TRABD2B: variants seen among roughly 807,000 people sequenced by gnomAD.
TRABD2B encodes the protein TraB domain containing 2B.
TRABD2B carries 14 observed loss-of-function variants against 40.1 expected under a neutral mutation model. The ratio of observed to expected loss-of-function variants is 0.35; its 90% CI spans 0.23 to 0.55. TRABD2B has a LOEUF of 0.55. Among genes scored for constraint, TRABD2B ranks in the 20% least tolerant of loss-of-function variants. The pLI is 0.90. For synonymous variants in TRABD2B, 263 were observed against 277.0 expected, an observed-to-expected ratio of 0.95 and a Z score of 0.50; for missense variants, 541 against 648.6, an observed-to-expected ratio of 0.83 and a Z score of 1.80.
intron 2 of TRABD2B, among the ~76,000 whole-genome samples, chr1:47,947,501 C>T (rs1407379264): frequency 6.6e-6 from 1 of 152,056 alleles, no homozygotes; most frequent in African/African-American, 2.4e-5. Context: ...GAGGCATAAA[C>T]AGAGAGGCTG....
chr1:47,780,688 G>A (rs1290270204), intron 4 of TRABD2B, among the ~76,000 whole-genome samples: 1 of 152,168 alleles, frequency 6.6e-6, no homozygotes, highest in African/African-American at 2.4e-5. Context: ...AGGAGTGGGT[G>A]GCACAGTGGG....
intron 2 of TRABD2B, among the ~76,000 whole-genome samples, chr1:47,902,439 G>C (rs1029501602): frequency 6.6e-6 from 1 of 152,108 alleles, no homozygotes; most frequent in Non-Finnish European, 1.5e-5. Context: ...AGGCTCTTTA[G>C]GATCCACAGT....
At chr1:47,834,879 T>C (rs1645298240) in intron 2 of TRABD2B, among the ~76,000 whole-genome samples, 2 of 152,020 alleles carry the variant, frequency 1.3e-5, no homozygotes, top group Admixed American at 1.3e-4. Context: ...TAGAAATACA[T>C]AGAAACAAGA....
chr1:47,994,196 G>T lies in TRABD2B; in HGVS notation c.504C>A (p.Leu168=). 1.9e-6 allele frequency: 3 copies of T among 1,544,030 alleles called. No homozygotes were observed. The highest frequency in any genetic ancestry group is 2.6e-6 in the Non-Finnish European group (3 of 1,150,622). ...CCCTCTCTGTGAGCGAGTTTACCAT[G>T]AGCATCACCCAGACGGGCCTCTTGC... ...WERKRPVWVM[L]MVNSLTERDV... Residue 168 remains leucine (L), a synonymous_variant, in exon 2 of 7, where the codon CTC becomes CTA. Coordinates refer to ENST00000606738, the MANE Select transcript of TRABD2B (RefSeq NM_001194986.2). The surrounding 1 kb of genome is among the most constrained non-coding windows in gnomAD (Gnocchi z 6.7).
intron 3 of TRABD2B, among the ~76,000 whole-genome samples, chr1:47,796,830 G>A (rs1019534826): frequency 6.6e-6 from 1 of 152,182 alleles, no homozygotes; most frequent in East Asian, 1.9e-4. Flanking sequence ...TAACACAACA[G>A]GGCATGCTTG....
At chr1:47,932,617 C>T (rs1645054379) in intron 2 of TRABD2B, among the ~76,000 whole-genome samples, 1 of 152,030 alleles carries the variant, frequency 6.6e-6, no homozygotes, top group Admixed American at 6.5e-5. Flanking sequence ...AAAATTCGTG[C>T]AACAGGAGAA....
intron 4 of TRABD2B, among the ~76,000 whole-genome samples, chr1:47,781,913 C>T (rs1644529399): frequency 6.6e-6 from 1 of 152,226 alleles, no homozygotes; most frequent in Non-Finnish European, 1.5e-5. Flanking sequence ...CCATTCCATC[C>T]TGGTTCTCTC....
At chr1:47,817,721 T>C (rs1240655064) in intron 2 of TRABD2B, among the ~76,000 whole-genome samples, 1 of 152,132 alleles carries the variant, frequency 6.6e-6, no homozygotes, top group African/African-American at 2.4e-5. Flanking sequence ...CCCAGTCCCT[T>C]CACGGGCTCC....
chr1:47,766,544 G>A (rs116192185), intron 6 of TRABD2B, among the ~76,000 whole-genome samples: 234 of 152,298 alleles, frequency 1.5e-3, no homozygotes, highest in African/African-American at 5.2e-3. Flanking sequence ...CAACCCCACC[G>A]CGTTCCCTGC....
At chr1:47,800,804 A>C (rs1435461246) in intron 3 of TRABD2B, among the ~76,000 whole-genome samples, 3 of 152,192 alleles carry the variant, frequency 2.0e-5, no homozygotes, top group South Asian at 4.1e-4. Context: ...AGGAGCCTGA[A>C]CAAAGGCCCA....
At chr1:47,768,715 A>G (rs1644339014) in intron 6 of TRABD2B, among the ~76,000 whole-genome samples, 1 of 152,224 alleles carries the variant, frequency 6.6e-6, no homozygotes. Flanking sequence ...GGCACACAAG[A>G]AGTGCTAGAA....
chr1:47,984,925 C>G (rs1045720630), intron 2 of TRABD2B, among the ~76,000 whole-genome samples: 1 of 152,212 alleles, frequency 6.6e-6, no homozygotes, highest in East Asian at 1.9e-4. Context: ...ACGTCCAGCA[C>G]TTATCCCATG....
chr1:47,780,866 G>A (rs1367801019), intron 4 of TRABD2B, among the ~76,000 whole-genome samples: 2 of 152,210 alleles, frequency 1.3e-5, no homozygotes, highest in African/African-American at 2.4e-5. Context: ...CCAGGCTCCC[G>A]CCAAGGCTCT....
intron 2 of TRABD2B, among the ~76,000 whole-genome samples, chr1:47,843,923 C>T (rs1645432770): frequency 6.6e-6 from 1 of 152,068 alleles, no homozygotes; most frequent in Admixed American, 6.5e-5. Context: ...AATGGAATGG[C>T]CAGGGCTGTG....
chr1:47,987,560 C>A (rs934061627), intron 2 of TRABD2B, among the ~76,000 whole-genome samples: 1 of 152,166 alleles, frequency 6.6e-6, no homozygotes, highest in Non-Finnish European at 1.5e-5. Context: ...GGTGCATAAG[C>A]TATCCTGTGC....
chr1:47,846,894 A>ACACACACACG (rs1439715341), intron 2 of TRABD2B, among the ~76,000 whole-genome samples: 7,618 of 145,558 alleles, frequency 0.052, 341 homozygotes, highest in Admixed American at 0.084. Flanking sequence ...ACACACACAC[A>ACACACACACG]CAAATGAGGG....
rs528707402 is a variant in TRABD2B, at chr1:47,903,682, C to T, written c.666+90352G>A. Among the ~76,000 whole-genome samples, 4 of 152,280 alleles carry T rather than the reference C, an allele frequency of 2.6e-5. No homozygotes were observed. In the South Asian group the frequency reaches 8.3e-4, roughly 32 times the overall value. ...CTTCCTGGGCAGGGGCAGTTAGAGT[C>T]AGTGCAGTTCTGAACCCAGATTGCA... On this transcript the variant is annotated intron_variant, in intron 2 of 6. Transcript: ENST00000606738.
intron 2 of TRABD2B, among the ~76,000 whole-genome samples, chr1:47,908,210 T>C (rs998937943): frequency 6.6e-6 from 1 of 152,196 alleles, no homozygotes; most frequent in Non-Finnish European, 1.5e-5. Flanking sequence ...TATTCATCTA[T>C]ATGCACATAT....
Position 47,996,814 on chromosome 1 carries a change from G to A in TRABD2B, c.-25C>T. 8.5e-7 allele frequency: 1 copy of A among 1,182,316 alleles called. No individual in the cohort carries two copies. The highest frequency in any genetic ancestry group is 1.0e-6 in the Non-Finnish European group (1 of 956,102). The allele number at this position is 1,182,316 out of a possible 1,614,324, so 73.2% of individuals were successfully genotyped here. ...TCCTGCCAGGGCCCGCGGGGCGCGG[G>A]GGACCCTCCTGGGCGGCGCCCCTCA... On this transcript the variant is annotated 5_prime_UTR_variant, in exon 1 of 7. Transcript: ENST00000606738. The surrounding 1 kb of genome is among the most constrained non-coding windows in gnomAD (Gnocchi z 4.6).
Sources: gnomAD v4.1 joint callset for allele counts (sites outside exome capture counted in the v4.1 genomes callset) on GRCh38, gnomAD v4.1.1 for gene constraint, Gnocchi (gnomAD v3.1) non-coding constraint, MANE v1.5 for transcripts, NCBI Gene and HGNC (gene_info 2026-07-23, HGNC 2026-07-21) for gene names.